YLPM1: variants seen among roughly 807,000 people sequenced by gnomAD.
YLPM1 encodes the protein YLP motif-containing protein 1.
Under a neutral mutation model 230.0 loss-of-function variants are expected in YLPM1, and 99 were observed. The ratio of observed to expected loss-of-function variants is 0.43; its 90% CI spans 0.37 to 0.51. The LOEUF is 0.51. Among genes scored for constraint, YLPM1 ranks in the 20% least tolerant of loss-of-function variants. YLPM1 has a pLI of 0.00. For synonymous variants in YLPM1, 984 were observed against 942.5 expected, an observed-to-expected ratio of 1.04 and a Z score of -0.81; for missense variants, 2,592 against 2,707.7, an observed-to-expected ratio of 0.96 and a Z score of 0.95.
chr14:74,771,770 A>G (rs2090978625), intron 1 of YLPM1, among the ~76,000 whole-genome samples: 1 of 152,180 alleles, frequency 6.6e-6, no homozygotes, highest in Non-Finnish European at 1.5e-5. Context: ...GATGGTGAGT[A>G]CAGACAACTC....
rs779568426 is a variant in YLPM1 at position 74,799,352 on chromosome 14, GAGA to G, written c.4060_4062del (p.Glu1354del). On this transcript the variant is annotated inframe_deletion, in exon 5 of 21. Transcript: ENST00000325680. ...GATAGATATCGGGATGATAGATGGA[GAGA>G]AGAAAGAAATCGAGAGCATGGGTAT... 1.2e-6 allele frequency: 2 copies of G among 1,613,906 alleles called. No homozygotes were observed. Among genetic ancestry groups the G allele is most frequent in the Non-Finnish European group, 1.7e-6 (2 of 1,179,900 alleles).
rs1239847995 is a variant in YLPM1, at chr14:74,837,277, A to G, written c.*1539A>G. On this transcript the variant is annotated 3_prime_UTR_variant, in exon 21 of 21. Transcript: ENST00000325680. Reference sequence around the variant, plus strand: ...TTCATTAAGTCAATATTGAATGTATAAATTGCTACATTAAATAACTTCTGC... The same window carrying G: ...TTCATTAAGTCAATATTGAATGTATGAATTGCTACATTAAATAACTTCTGC... 1 of 152,226 alleles carries G rather than the reference A, an allele frequency of 6.6e-6. No homozygotes were observed. Among genetic ancestry groups the G allele is most frequent in the Non-Finnish European group, 1.5e-5 (1 of 68,030 alleles). The allele number at this position is 152,226 out of a possible 1,614,324, so 9.4% of individuals were successfully genotyped here.
intron 1 of YLPM1, among the ~76,000 whole-genome samples, chr14:74,767,000 C>T (rs913142674): frequency 1.3e-5 from 2 of 150,726 alleles, no homozygotes; most frequent in African/African-American, 4.9e-5. Context: ...TCTCCTGCCT[C>T]AGCCTCCTGA....
rs767670948 is a variant in YLPM1 at position 74,764,139 on chromosome 14, A to G, written c.650A>G (p.Tyr217Cys). ...YSSSSSSSQS[Y>C]LSHSQSYLPS... ...TCCTCCTCCTCTTCCTCGCAATCCT[A>G]TTTGAGCCATTCCCAGTCCTACTTG... is the stretch of plus-strand genomic sequence containing the variant. The change falls in exon 1 of 21, where the codon TAT becomes TGT. Residue 217 changes from tyrosine (Y) to cysteine (C), a missense_variant. By Grantham distance (194) the Tyr-to-Cys change is radical. Around this residue, in one of 4 missense-constraint regions of YLPM1, gnomAD observed 1,862 missense variants for 1,819.8 expected, o/e 1.02. Coordinates refer to ENST00000325680, the MANE Select transcript of YLPM1 (RefSeq NM_019589.3). 16 of 1,611,720 alleles carry G rather than the reference A, an allele frequency of 9.9e-6. No individual in the cohort carries two copies. In the South Asian group the frequency reaches 1.1e-4, roughly 11 times the overall value.
chr14:74,832,129 A>G (rs994451206), intron 19 of YLPM1, among the ~76,000 whole-genome samples: 2 of 152,236 alleles, frequency 1.3e-5, no homozygotes, highest in African/African-American at 2.4e-5. Flanking sequence ...GTATTATAAC[A>G]AATTTATTTT....
intron 15 of YLPM1, 50 bp from the exon 16 acceptor site, chr14:74,818,181 G>T: frequency 7.7e-7 from 1 of 1,300,444 alleles, no homozygotes; most frequent in Non-Finnish European, 1.1e-6. Flanking sequence ...TGCTTACTTG[G>T]TCTTTGAGTA....
At chr14:74,765,852 G>T (rs1335668462) in intron 1 of YLPM1, among the ~76,000 whole-genome samples, 1 of 152,142 alleles carries the variant, frequency 6.6e-6, no homozygotes, top group Admixed American at 6.5e-5. Context: ...TGAATATTCA[G>T]TGCCTGCAAT....
intron 4 of YLPM1, among the ~76,000 whole-genome samples, chr14:74,793,226 A>C (rs149839369): frequency 7.2e-4 from 109 of 152,156 alleles, no homozygotes; most frequent in African/African-American, 2.5e-3. Context: ...GAATCTCTTA[A>C]CTTTGGGACA....
chr14:74,791,061 G>T (rs544736900), intron 4 of YLPM1, among the ~76,000 whole-genome samples: 1 of 152,236 alleles, frequency 6.6e-6, no homozygotes, highest in East Asian at 1.9e-4. Context: ...GGGCAACTTG[G>T]TGAATCCGCA....
At chr14:74,773,877 C>T (rs574298146) in intron 1 of YLPM1, among the ~76,000 whole-genome samples, 29 of 151,918 alleles carry the variant, frequency 1.9e-4, no homozygotes, top group African/African-American at 7.0e-4. Flanking sequence ...TGTGCCACCA[C>T]ACCCTACTAA....
intron 4 of YLPM1, among the ~76,000 whole-genome samples, chr14:74,791,358 T>C (rs1014621381): frequency 8.5e-5 from 13 of 152,248 alleles, no homozygotes; most frequent in African/African-American, 3.1e-4. Flanking sequence ...CAACAATTTC[T>C]GGCCCCCAGA....
intron 4 of YLPM1, among the ~76,000 whole-genome samples, chr14:74,787,025 G>A (rs1483305922): frequency 6.6e-6 from 1 of 152,084 alleles, no homozygotes. Flanking sequence ...CATGATAATG[G>A]ATTTAATTTA....
intron 16 of YLPM1, among the ~76,000 whole-genome samples, chr14:74,820,817 CACTTAT>C (rs766837147): frequency 6.6e-6 from 1 of 152,186 alleles, no homozygotes. Flanking sequence ...ATCTACTTAG[CACTTAT>C]ACTTAACTTT....
chr14:74,764,216 C>G lies in YLPM1; in HGVS notation c.727C>G (p.Gln243Glu). ...SRPSQGHSKS[Q>E]LLAPPPPSAP... ...CCCCTCCCAGGGCCATTCTAAATCC[C>G]AACTACTAGCTCCACCACCACCGTC... is the stretch of plus-strand genomic sequence containing the variant. The change falls in exon 1 of 21, where the codon CAA becomes GAA. Residue 243 changes from glutamine to glutamate, a missense_variant. Coordinates refer to ENST00000325680, the MANE Select transcript of YLPM1 (RefSeq NM_019589.3). The G allele has an allele frequency of 6.2e-7, 1 of 1,613,464 alleles. No homozygotes were observed. Among genetic ancestry groups the G allele is most frequent in the Non-Finnish European group, 8.5e-7 (1 of 1,179,770 alleles).
In YLPM1 at chr14:74,802,504, AG is replaced by A. The variant is rs796374509; in HGVS notation, c.4401-50del. The stretch of plus-strand genomic sequence containing the variant: ...AATTAAATATTAATTGTAGTCACTT[AG>A]GAATGGAATAAGCATGCTTTATGTA... On this transcript the variant is annotated intron_variant, in intron 5 of 20. Transcript: ENST00000325680. 8.3e-5 allele frequency: 129 copies of A among 1,547,362 alleles called. 1 individual carries two copies. In the African/African-American group the frequency reaches 1.7e-3, roughly 21 times the overall value.
chr14:74,789,033 C>T (rs1240222500), intron 4 of YLPM1, among the ~76,000 whole-genome samples: 1 of 152,118 alleles, frequency 6.6e-6, no homozygotes, highest in Non-Finnish European at 1.5e-5. Flanking sequence ...AAGAAGTCAT[C>T]CCTACTACTT....
chr14:74,824,527 G>A (rs1307913822), intron 18 of YLPM1, among the ~76,000 whole-genome samples: 2 of 152,004 alleles, frequency 1.3e-5, no homozygotes, highest in East Asian at 3.8e-4. Context: ...AGTTTTTAGA[G>A]TCAACAGAAA....
intron 16 of YLPM1, 91 bp downstream of exon 16, chr14:74,818,405 A>G (rs189971138): frequency 8.5e-6 from 9 of 1,059,274 alleles, no homozygotes; most frequent in African/African-American, 3.2e-5. Flanking sequence ...GAAAAGTTAT[A>G]TGAATAGTAT....
chr14:74,781,294 T>C (rs1194997054), intron 3 of YLPM1, 40 bp from the exon 4 acceptor site: 4 of 1,472,784 alleles, frequency 2.7e-6, no homozygotes, highest in Middle Eastern at 1.9e-4. Flanking sequence ...AATTATCTTA[T>C]ATGAATGGTT....
Sources: allele counts gnomAD v4.1 joint callset (sites outside exome capture counted in the v4.1 genomes callset), GRCh38; gene constraint gnomAD v4.1.1; regional missense constraint gnomAD v4.1.1; transcripts MANE v1.5; gene names NCBI Gene and HGNC (gene_info 2026-07-23, HGNC 2026-07-21).